The following CNTN4 variants were observed in gnomAD, a reference collection of about 807,000 sequenced individuals.
The protein encoded by CNTN4 is contactin-4.
Under a neutral mutation model 122.5 loss-of-function variants are expected in CNTN4, and 77 were observed. The ratio of observed to expected loss-of-function variants is 0.63; its 90% confidence interval spans 0.52 to 0.76. The LOEUF (loss-of-function observed/expected upper bound fraction) is 0.76, where lower values mean the gene tolerates loss of function less well. Ranked by LOEUF, CNTN4 falls within the 30% of genes least tolerant of loss-of-function variation. CNTN4 has a pLI of 0.00. For synonymous variants in CNTN4, 512 were observed against 447.0 expected, an observed-to-expected ratio of 1.15 and a Z score of -1.83; for missense variants, 1,256 against 1,259.1, an observed-to-expected ratio of 1.00 and a Z score of 0.04.
chr3:2,887,635 A>G (rs1420423052), intron 10 of CNTN4, among the ~76,000 whole-genome samples: 1 of 151,390 alleles, frequency 6.6e-6, no homozygotes, highest in African/African-American at 2.4e-5. Flanking sequence ...ATCTTTTGTA[A>G]TTGCTCCTAT....
intron 4 of CNTN4, among the ~76,000 whole-genome samples, chr3:2,673,163 T>A (rs534538968): frequency 2.6e-5 from 4 of 152,280 alleles, no homozygotes; most frequent in Admixed American, 2.6e-4. Context: ...TATTTGGGTT[T>A]AAATGCCTGG....
chr3:2,996,262 G>A (rs1200393891), intron 14 of CNTN4, among the ~76,000 whole-genome samples: 4 of 152,070 alleles, frequency 2.6e-5, no homozygotes, highest in East Asian at 3.9e-4. Context: ...GGGAATATGA[G>A]CACATATTGG....
intron 7 of CNTN4, among the ~76,000 whole-genome samples, chr3:2,821,715 A>T (rs1348077763): frequency 6.6e-6 from 1 of 152,156 alleles, no homozygotes; most frequent in African/African-American, 2.4e-5. Flanking sequence ...AGTAGTGTGG[A>T]GGTTTAATAA....
At chr3:2,419,397 C>T (rs2047535254) in intron 3 of CNTN4, among the ~76,000 whole-genome samples, 1 of 152,054 alleles carries the variant, frequency 6.6e-6, no homozygotes, top group Non-Finnish European at 1.5e-5. Context: ...GGGAGATCTA[C>T]CTCTGGAGAT....
chr3:2,878,674 T>C (rs1413562714), intron 8 of CNTN4, among the ~76,000 whole-genome samples: 3 of 152,016 alleles, frequency 2.0e-5, no homozygotes, highest in African/African-American at 7.2e-5. Flanking sequence ...GAAGTTTATA[T>C]GTAAAATGTT....
chr3:2,469,967 T>C (rs1398804367), intron 3 of CNTN4, among the ~76,000 whole-genome samples: 1 of 152,196 alleles, frequency 6.6e-6, no homozygotes, highest in East Asian at 1.9e-4. Flanking sequence ...TTTAAAGAAA[T>C]GGTTTTTTAC....
In CNTN4 at chr3:3,019,765, A is replaced by AATATATAT. The variant is rs67229453; in HGVS notation, c.1487-6311_1487-6304dup. ...GAAGGGGTGTGTGTGTGTGTACACA[A>AATATATAT]ATATATATATATATATATATATATA... On this transcript the variant is annotated intron_variant, in intron 14 of 24. Coordinates refer to ENST00000418658, the MANE Select transcript of CNTN4 (RefSeq NM_175607.3). 3.2e-3 allele frequency among the ~76,000 whole-genome samples: 437 copies of AATATATAT among 137,934 alleles called. 1 individual carries two copies. Among genetic ancestry groups the AATATATAT allele is most frequent in the African/African-American group, 9.0e-3 (328 of 36,626 alleles). The allele number at this position is 137,934 out of a possible 152,430, so 90.5% of individuals were successfully genotyped here. A position where few individuals can be genotyped will look rare whatever the true frequency, so the allele number is the denominator to read the frequency against.
At chr3:2,593,528 T>C (rs1353667856) in intron 4 of CNTN4, among the ~76,000 whole-genome samples, 1 of 152,180 alleles carries the variant, frequency 6.6e-6, no homozygotes, top group Non-Finnish European at 1.5e-5. Flanking sequence ...TAGTTATTGA[T>C]TTTTAAGTTC....
At chr3:2,287,709 G>GA (rs1407427785) in intron 2 of CNTN4, among the ~76,000 whole-genome samples, 35 of 62,262 alleles carry the variant, frequency 5.6e-4, no homozygotes, top group South Asian at 2.9e-3. Context: ...AGAAGAAGAA[G>GA]AGGAAGAAGA....
intron 4 of CNTN4, among the ~76,000 whole-genome samples, chr3:2,653,555 C>A (rs2083455397): frequency 6.6e-6 from 1 of 152,152 alleles, no homozygotes; most frequent in African/African-American, 2.4e-5. Flanking sequence ...GACATTAAGT[C>A]AACTAAAGAT....
intron 3 of CNTN4, among the ~76,000 whole-genome samples, chr3:2,388,670 C>T (rs1183097873): frequency 6.6e-6 from 1 of 152,048 alleles, no homozygotes; most frequent in Non-Finnish European, 1.5e-5. Context: ...TGTGACAAAA[C>T]TCTGTCTCTG....
At chr3:2,190,515 C>CT (rs946891368) in intron 2 of CNTN4, among the ~76,000 whole-genome samples, 6 of 149,712 alleles carry the variant, frequency 4.0e-5, no homozygotes, top group Admixed American at 1.3e-4. Flanking sequence ...TTTTTTTTTT[C>CT]TTTTTTTGCA....
intron 3 of CNTN4, among the ~76,000 whole-genome samples, chr3:2,369,995 C>T (rs2045573511): frequency 6.6e-6 from 1 of 152,054 alleles, no homozygotes; most frequent in African/African-American, 2.4e-5. Context: ...TCCAAAGAGC[C>T]TCTGAACTCA....
intron 4 of CNTN4, among the ~76,000 whole-genome samples, chr3:2,687,321 C>T (rs1385459666): frequency 1.9e-4 from 2 of 10,478 alleles, no homozygotes; most frequent in Admixed American, 1.3e-3. Flanking sequence ...CAACTTCACC[C>T]ATTTACATGC....
chr3:2,828,355 C>T (rs2093031332), intron 7 of CNTN4, among the ~76,000 whole-genome samples: 1 of 151,992 alleles, frequency 6.6e-6, no homozygotes, highest in Non-Finnish European at 1.5e-5. Context: ...CACAGGTGTC[C>T]AGTAGGTTAA....
At chr3:2,894,647 G>A (rs2094085836) in intron 10 of CNTN4, among the ~76,000 whole-genome samples, 1 of 152,080 alleles carries the variant, frequency 6.6e-6, no homozygotes, top group Admixed American at 6.6e-5. Context: ...GAAGGGGATG[G>A]ATTCAGCTGA....
At chr3:2,289,265 A>G (rs552409406) in intron 2 of CNTN4, among the ~76,000 whole-genome samples, 1 of 152,320 alleles carries the variant, frequency 6.6e-6, no homozygotes, top group East Asian at 1.9e-4. Flanking sequence ...GGTCCCCTAA[A>G]ACCCAGAGAG....
chr3:2,592,130 C>T (rs1407866244), intron 4 of CNTN4, among the ~76,000 whole-genome samples: 1 of 152,110 alleles, frequency 6.6e-6, no homozygotes, highest in Non-Finnish European at 1.5e-5. Flanking sequence ...GTCCTCCCTC[C>T]CCAGCCTCTG....
intron 3 of CNTN4, among the ~76,000 whole-genome samples, chr3:2,410,244 G>T (rs948056108): frequency 6.6e-6 from 1 of 152,198 alleles, no homozygotes; most frequent in African/African-American, 2.4e-5. Context: ...GAAAATCTGT[G>T]TTGACAGCAT....
Sources: gnomAD v4.1 joint callset for allele counts (sites outside exome capture counted in the v4.1 genomes callset) on GRCh38, gnomAD v4.1.1 for gene constraint, MANE v1.5 for transcripts, NCBI Gene and HGNC (gene_info 2026-07-23, HGNC 2026-07-21) for gene names.